The following PTPRN2 variants were observed in gnomAD, a reference collection of about 807,000 sequenced individuals.
The protein encoded by PTPRN2 is protein tyrosine phosphatase receptor type N2, also known as receptor-type tyrosine-protein phosphatase N2.
PTPRN2 carries 74 observed loss-of-function variants against 118.8 expected under a neutral mutation model. The observed-to-expected ratio is 0.62, with a 90% confidence interval of 0.52 to 0.76. PTPRN2 has a LOEUF of 0.76. Ranked by LOEUF, PTPRN2 falls within the 30% of genes least tolerant of loss-of-function variation. PTPRN2 has a pLI of 0.00. For synonymous variants in PTPRN2, 641 were observed against 608.0 expected, an observed-to-expected ratio of 1.05 and a Z score of -0.80; for missense variants, 1,481 against 1,394.4, an observed-to-expected ratio of 1.06 and a Z score of -0.99.
chr7:157,948,763 A>G lies in PTPRN2; in HGVS notation c.1724-50026T>C, dbSNP rs373090558. ...AATCTGAAAATTTTTGAGTGCCTAC[A>G]TGATGTTCAAAATAAATGCCCATTG... On this transcript the variant is annotated intron_variant, in intron 11 of 22. Coordinates refer to ENST00000389418, the MANE Select transcript of PTPRN2 (RefSeq NM_002847.5). 2.4e-4 allele frequency among the ~76,000 whole-genome samples: 36 copies of G among 152,254 alleles called. 1 individual carries two copies. The highest frequency in any genetic ancestry group is 4.1e-4 in the Non-Finnish European group (28 of 68,050).
intron 12 of PTPRN2, among the ~76,000 whole-genome samples, chr7:157,776,398 TCTC>T (rs1171252404): frequency 0.025 from 758 of 30,316 alleles, 18 homozygotes; most frequent in African/African-American, 0.056. Flanking sequence ...TCCTCCTCCA[TCTC>T]CTCCTCCTCC....
chr7:157,901,988 G>A (rs1163602757), intron 11 of PTPRN2, among the ~76,000 whole-genome samples: 1 of 152,210 alleles, frequency 6.6e-6, no homozygotes, highest in East Asian at 1.9e-4. Flanking sequence ...TGGTTCTGAA[G>A]TGGGACCTTC....
chr7:158,247,693 T>C (rs1297823361), intron 3 of PTPRN2, among the ~76,000 whole-genome samples: 1 of 152,164 alleles, frequency 6.6e-6, no homozygotes. Context: ...CTTGGCTCAC[T>C]GCAATCTCCG....
intron 2 of PTPRN2, among the ~76,000 whole-genome samples, chr7:158,341,744 A>T (rs796085001): frequency 6.9e-6 from 1 of 145,222 alleles, no homozygotes; most frequent in Non-Finnish European, 1.5e-5. Flanking sequence ...GACGTCACTC[A>T]CACCGACACT....
At chr7:157,642,326 C>T (rs972415709) in intron 14 of PTPRN2, among the ~76,000 whole-genome samples, 4 of 152,342 alleles carry the variant, frequency 2.6e-5, no homozygotes, top group Admixed American at 2.0e-4. Flanking sequence ...CATTTCTGAA[C>T]TGCTTGTGGA....
intron 2 of PTPRN2, among the ~76,000 whole-genome samples, chr7:158,463,609 T>C (rs1455586560): frequency 6.9e-6 from 1 of 145,070 alleles, no homozygotes; most frequent in Non-Finnish European, 1.5e-5. Flanking sequence ...ATCATTGTTA[T>C]CACCATCATT....
chr7:157,798,356 G>A (rs1283710652), intron 12 of PTPRN2, among the ~76,000 whole-genome samples: 4 of 152,280 alleles, frequency 2.6e-5, no homozygotes, highest in Non-Finnish European at 2.9e-5. Flanking sequence ...GTCACCTCTG[G>A]GAGATGACAA....
intron 3 of PTPRN2, among the ~76,000 whole-genome samples, chr7:158,292,331 C>T (rs944774257): frequency 6.6e-6 from 1 of 152,180 alleles, no homozygotes; most frequent in African/African-American, 2.4e-5. Flanking sequence ...TGAGGCTTTT[C>T]CATTAACACT....
rs1203506171 is a variant in PTPRN2 at position 157,893,370 on chromosome 7, C to G, written c.1788+5303G>C. On this transcript the variant is annotated intron_variant, in intron 12 of 22. Transcript: ENST00000389418. The surrounding 1 kb of genome is among the most constrained non-coding windows in gnomAD (Gnocchi z 4.0). ...GAGCTCCTGCCTCTGCCCTCAGCCC[C>G]CACGGTCCCCCGCAGTCTAGGGAGA... Among the ~76,000 whole-genome samples, 1 of 152,196 alleles carries G rather than the reference C, an allele frequency of 6.6e-6. No homozygotes were observed. The highest frequency in any genetic ancestry group is 1.5e-5 in the Non-Finnish European group (1 of 68,036).
At chr7:158,084,327 A>G (rs1813088904) in intron 10 of PTPRN2, among the ~76,000 whole-genome samples, 2 of 139,600 alleles carry the variant, frequency 1.4e-5, no homozygotes, top group African/African-American at 5.3e-5. Context: ...CAGATGGCTG[A>G]GTGCTGTGTG....
chr7:158,167,244 C>T lies in PTPRN2; in HGVS notation c.597G>A (p.Thr199=), dbSNP rs200623903. 39 of 1,612,484 alleles carry T rather than the reference C, an allele frequency of 2.4e-5. No individual in the cohort carries two copies. The highest frequency in any genetic ancestry group is 1.5e-4 in the South Asian group (14 of 90,886). The change falls in exon 6 of 23, where the codon ACG becomes ACA. Residue 199 remains threonine, a synonymous_variant. Coordinates refer to ENST00000389418, the MANE Select transcript of PTPRN2 (RefSeq NM_002847.5). ...ACCCGGGAGGGTAGGTCAGCGCAGA[C>T]GTGTGGGCCACATAGGTCAGGATGC... ...SESILTYVAH[T]SALTYPPGSR... is the part of the protein sequence containing the mutation.
Position 157,676,049 on chromosome 7 carries a change from G to A in PTPRN2, c.2001+6676C>T, listed in dbSNP as rs562440274. On this transcript the variant is annotated intron_variant, in intron 13 of 22. Transcript: ENST00000389418. This position sits in a 1 kb window ranked among gnomAD's most constrained non-coding sequence, Gnocchi z 5.6. ...ACTCAGCCACACCGAGCCATGGACC[G>A]TCCCTTGGAGCGCCACAGACTGCAG... Among the ~76,000 whole-genome samples, 5 of 152,082 alleles carry A rather than the reference G, an allele frequency of 3.3e-5. No homozygotes were observed. Among genetic ancestry groups the A allele is most frequent in the Non-Finnish European group, 5.9e-5 (4 of 68,006 alleles).
intron 1 of PTPRN2, among the ~76,000 whole-genome samples, chr7:158,500,369 C>G (rs1185564846): frequency 1.3e-5 from 2 of 152,162 alleles, no homozygotes; most frequent in East Asian, 3.8e-4. Context: ...TTCCAGTGTG[C>G]TGGGAATTAC....
intron 5 of PTPRN2, among the ~76,000 whole-genome samples, chr7:158,189,270 G>A (rs1472381442): frequency 1.3e-5 from 2 of 152,234 alleles, no homozygotes. Context: ...AATCCATGCT[G>A]CGCCTTGTCC....
intron 21 of PTPRN2, among the ~76,000 whole-genome samples, chr7:157,559,237 C>T (rs960661909): frequency 6.6e-6 from 1 of 152,200 alleles, no homozygotes; most frequent in African/African-American, 2.4e-5. Context: ...GGACTTCAGG[C>T]GCTAGGAACG....
intron 12 of PTPRN2, chr7:157,863,693 CA>C (rs1810410333): frequency 1.3e-5 from 2 of 152,348 alleles, no homozygotes; most frequent in African/African-American, 4.8e-5. Flanking sequence ...GTCTTGGAGA[CA>C]GGGGCTTTAC....
chr7:158,226,896 G>T (rs1295946671), intron 3 of PTPRN2, among the ~76,000 whole-genome samples: 1 of 152,104 alleles, frequency 6.6e-6, no homozygotes, highest in Non-Finnish European at 1.5e-5. Flanking sequence ...GCTGTGGCTT[G>T]CAGTTTCAAA....
rs563709993 is a variant in PTPRN2, at chr7:157,763,610, C to A, written c.1789-80673G>T. Reference sequence around the variant, plus strand: ...CCATGGGGGAAGGCCACGCCCCTAACCTGACTGCAGATTAAATTCTTCTGG... The same window carrying A: ...CCATGGGGGAAGGCCACGCCCCTAAACTGACTGCAGATTAAATTCTTCTGG... On this transcript the variant is annotated intron_variant, in intron 12 of 22. Coordinates refer to ENST00000389418, the MANE Select transcript of PTPRN2 (RefSeq NM_002847.5). The surrounding 1 kb of genome is among the most constrained non-coding windows in gnomAD (Gnocchi z 4.9). 1.9e-3 allele frequency among the ~76,000 whole-genome samples: 288 copies of A among 152,246 alleles called. 2 individuals are homozygous for A. Among genetic ancestry groups the A allele is most frequent in the Middle Eastern group, 6.8e-3 (2 of 294 alleles).
intron 14 of PTPRN2, among the ~76,000 whole-genome samples, chr7:157,650,193 T>C (rs1805553493): frequency 6.6e-6 from 1 of 152,170 alleles, no homozygotes; most frequent in Non-Finnish European, 1.5e-5. Flanking sequence ...TCTCTGGTCA[T>C]GGGGCTCCGT....
Sources: allele counts gnomAD v4.1 joint callset (sites outside exome capture counted in the v4.1 genomes callset), GRCh38; gene constraint gnomAD v4.1.1; non-coding constraint Gnocchi (gnomAD v3.1); transcripts MANE v1.5; gene names NCBI Gene and HGNC (gene_info 2026-07-23, HGNC 2026-07-21).